Variants in PRKDC observed in about 807,000 individuals in gnomAD.
The protein encoded by PRKDC is protein kinase, DNA-activated, catalytic subunit.
Under a neutral mutation model 486.9 loss-of-function variants are expected in PRKDC, and 82 were observed. The observed-to-expected ratio is 0.17, with a 90% CI of 0.14 to 0.20. PRKDC has a LOEUF of 0.20. Among genes scored for constraint, PRKDC ranks in the 10% least tolerant of loss-of-function variants. The probability of loss-of-function intolerance (pLI) is 1.00; values close to 1 mark genes in which losing one functional copy is unlikely to be tolerated. For synonymous variants in PRKDC, 1,895 were observed against 1,837.0 expected (o/e 1.03, Z -0.81); for missense variants, 4,504 against 5,038.2 (o/e 0.89, Z 3.21).
intron 54 of PRKDC, among the ~76,000 whole-genome samples, chr8:47,842,040 C>G (rs140921452): frequency 2.6e-3 from 397 of 152,328 alleles, no homozygotes; most frequent in Middle Eastern, 6.8e-3. Context: ...GAGACATACC[C>G]CACAACCCTC....
chr8:47,896,000 T>C (rs915423288), intron 30 of PRKDC, among the ~76,000 whole-genome samples: 2 of 151,710 alleles, frequency 1.3e-5, no homozygotes, highest in African/African-American at 4.8e-5. Flanking sequence ...GATCGTGCCA[T>C]TGCACTCTAG....
At chr8:47,784,019 G>A (rs1589692935) in intron 77 of PRKDC, 4 of 532,262 alleles carry the variant, frequency 7.5e-6, no homozygotes, top group African/African-American at 1.9e-5. Flanking sequence ...AGCACTTTGG[G>A]AGGCCAAGGC....
intron 54 of PRKDC, among the ~76,000 whole-genome samples, chr8:47,841,965 C>G (rs2088156721): frequency 6.6e-6 from 1 of 152,232 alleles, no homozygotes; most frequent in Non-Finnish European, 1.5e-5. Context: ...AGCTGCACAA[C>G]CACGACAACA....
intron 10 of PRKDC, among the ~76,000 whole-genome samples, chr8:47,941,653 T>C (rs2090447358): frequency 6.6e-6 from 1 of 152,196 alleles, no homozygotes; most frequent in Non-Finnish European, 1.5e-5. Context: ...GGTTGATTTT[T>C]ATCTGGGCCC....
Position 47,879,478 on chromosome 8 carries a change from A to C in PRKDC, c.5235+13T>G. The C allele has an allele frequency of 6.4e-7, 1 of 1,553,536 alleles. No homozygotes were observed. Among genetic ancestry groups the C allele is most frequent in the African/African-American group, 1.4e-5 (1 of 73,356 alleles). On this transcript the variant is annotated intron_variant, in intron 39 of 85. Coordinates refer to ENST00000314191, the MANE Select transcript of PRKDC (RefSeq NM_006904.7). ...CAGTGTTTTAATTTTACTTGATACT[A>C]CTAGAAACTAACCTTTTTCATGCAG...
intron 67 of PRKDC, 100 bp from the exon 68 acceptor site, chr8:47,817,661 A>G: frequency 1.4e-6 from 1 of 704,258 alleles, no homozygotes; most frequent in East Asian, 2.8e-5. Context: ...CTTCCTGCCC[A>G]AATTACAAAA....
chr8:47,957,304 G>T, intron 2 of PRKDC, 41 bp from the exon 3 acceptor site: 2 of 1,579,104 alleles, frequency 1.3e-6, no homozygotes, highest in Middle Eastern at 1.7e-4. Flanking sequence ...TGGGTAAGAG[G>T]AGTCACTCCA....
At chr8:47,798,472 C>T in intron 72 of PRKDC, 75 bp from the exon 73 acceptor site, 1 of 1,411,616 alleles carries the variant, frequency 7.1e-7, no homozygotes, top group Non-Finnish European at 9.4e-7. Context: ...TAAATGCTAA[C>T]ACTTTCCCTT....
rs1457497303 is a variant in PRKDC at position 47,877,716 on chromosome 8, T to G, written c.5363+8A>C. 5 of 1,574,450 alleles carry G rather than the reference T, an allele frequency of 3.2e-6. No homozygotes were observed. Among genetic ancestry groups the G allele is most frequent in the Non-Finnish European group, 4.3e-6 (5 of 1,159,466 alleles). ...TGGTTCCTGAGATCCCAGGCCAGAA[T>G]GACTTACCTTCTGGCAATCCTCCTG... On this transcript the variant is annotated splice_region_variant and intron_variant, in intron 40 of 85. Coordinates refer to ENST00000314191, the MANE Select transcript of PRKDC (RefSeq NM_006904.7).
intron 35 of PRKDC, among the ~76,000 whole-genome samples, 174 bp downstream of exon 35, chr8:47,887,373 T>A (rs1352228235): frequency 1.3e-5 from 2 of 152,210 alleles, no homozygotes; most frequent in East Asian, 1.9e-4. Flanking sequence ...TCCGTTCTTT[T>A]TTTTTTTAAC....
intron 73 of PRKDC, among the ~76,000 whole-genome samples, chr8:47,797,739 C>T (rs2087010960): frequency 6.6e-6 from 1 of 152,212 alleles, no homozygotes; most frequent in Admixed American, 6.5e-5. Flanking sequence ...GGGCAGGTCA[C>T]ATGGAAGGGT....
chr8:47,823,783 T>C (rs1563752967), intron 64 of PRKDC, 75 bp downstream of exon 64: 43 of 1,537,822 alleles, frequency 2.8e-5, no homozygotes, highest in Non-Finnish European at 1.3e-5. Context: ...GTACCTCGTT[T>C]TGCTTAAAGT....
intron 25 of PRKDC, among the ~76,000 whole-genome samples, chr8:47,911,832 T>C (rs2089909844): frequency 6.6e-6 from 1 of 152,004 alleles, no homozygotes; most frequent in African/African-American, 2.4e-5. Context: ...TGCAGTGGCG[T>C]GATCTCAGAG....
At chr8:47,871,045 G>T (rs2088939966) in intron 40 of PRKDC, among the ~76,000 whole-genome samples, 1 of 151,934 alleles carries the variant, frequency 6.6e-6, no homozygotes, top group Non-Finnish European at 1.5e-5. Flanking sequence ...GGGGACAAAA[G>T]AAAACAGAAT....
At chr8:47,888,773 C>T (rs770622888) in intron 33 of PRKDC, 123 bp from the exon 34 acceptor site, 202 of 1,341,400 alleles carry the variant, frequency 1.5e-4, no homozygotes, top group African/African-American at 1.1e-3. Flanking sequence ...AGGATCCACA[C>T]GCACTAAGCT....
chr8:47,889,032 T>C lies in PRKDC; in HGVS notation c.4262A>G (p.Glu1421Gly). ...TACCCACCTCTGTGCTGTTATTTTCTCTCTCAGATGGGTCTCTAGGATATC... is the reference window on the plus strand; with the variant it reads ...TACCCACCTCTGTGCTGTTATTTTCCCTCTCAGATGGGTCTCTAGGATATC... The part of the protein sequence containing the change: ...YKDILETHLR[E>G]KITAQSIEEL... The change falls in exon 33 of 86, where the codon GAG (glutamate) becomes GGG (glycine). Residue 1421 changes from glutamate to glycine, a missense_variant. Coordinates refer to ENST00000314191, the MANE Select transcript of PRKDC (RefSeq NM_006904.7). 6.2e-7 allele frequency: 1 copy of C among 1,613,854 alleles called. No homozygotes were observed. Among genetic ancestry groups the C allele is most frequent in the Non-Finnish European group, 8.5e-7 (1 of 1,179,760 alleles).
At chr8:47,893,481 C>CT in intron 30 of PRKDC, 94 bp from the exon 31 acceptor site, 1 of 1,287,192 alleles carries the variant, frequency 7.8e-7, no homozygotes. Flanking sequence ...ATGGGACAAT[C>CT]TTTTTTCATT....
intron 36 of PRKDC, among the ~76,000 whole-genome samples, chr8:47,883,802 GGCCTTGCCACAGTT>G (rs2089273410): frequency 6.6e-6 from 1 of 152,070 alleles, no homozygotes; most frequent in Admixed American, 6.5e-5. Context: ...TCACTGAACA[GGCCTTGCCACAGTT>G]GCCTGTGTCC....
chr8:47,833,136 A>G (rs2087927444), intron 59 of PRKDC, among the ~76,000 whole-genome samples: 1 of 152,184 alleles, frequency 6.6e-6, no homozygotes, highest in Non-Finnish European at 1.5e-5. Context: ...TTCAACTCAC[A>G]GCACATGCCA....
Sources: allele counts gnomAD v4.1 joint callset (sites outside exome capture counted in the v4.1 genomes callset), GRCh38; gene constraint gnomAD v4.1.1; transcripts MANE v1.5; gene names NCBI Gene and HGNC (gene_info 2026-07-23, HGNC 2026-07-21).